RNF111: variants seen among roughly 807,000 people sequenced by gnomAD.
RNF111 encodes E3 ubiquitin-protein ligase Arkadia.
Under a neutral mutation model 95.1 loss-of-function variants are expected in RNF111, and 17 were observed. That is an observed-to-expected ratio of 0.18 (90% CI 0.12 to 0.27). RNF111 has a LOEUF of 0.27. RNF111 is among the 10% of genes least tolerant of loss of function. The pLI is 1.00. For synonymous variants in RNF111, 440 were observed against 414.8 expected (o/e 1.06, Z -0.74); for missense variants, 1,189 against 1,210.4 (o/e 0.98, Z 0.26).
At chr15:59,056,950 G>T (rs1170150002) in intron 4 of RNF111, among the ~76,000 whole-genome samples, 2 of 151,908 alleles carry the variant, frequency 1.3e-5, no homozygotes, top group African/African-American at 2.4e-5. Context: ...CACTTTACTG[G>T]GTTAAAAGTA....
intron 1 of RNF111, among the ~76,000 whole-genome samples, chr15:59,011,374 T>A (rs1281110786): frequency 3.3e-5 from 5 of 152,240 alleles, no homozygotes; most frequent in African/African-American, 1.2e-4. Context: ...GGTCTGTGTC[T>A]TTATTCATTC....
At chr15:59,010,218 GT>G (rs2039733335) in intron 1 of RNF111, among the ~76,000 whole-genome samples, 1 of 151,818 alleles carries the variant, frequency 6.6e-6, no homozygotes, top group Non-Finnish European at 1.5e-5. Flanking sequence ...GATTCTTTTT[GT>G]TTTAATTTAA....
chr15:59,056,648 C>T (rs1375481475), intron 4 of RNF111, among the ~76,000 whole-genome samples: 1 of 152,036 alleles, frequency 6.6e-6, no homozygotes, highest in Non-Finnish European at 1.5e-5. Flanking sequence ...GGGCTATTTG[C>T]AGTTTGGGTG....
chr15:59,061,148 A>C (rs1325370050), intron 5 of RNF111, among the ~76,000 whole-genome samples: 1 of 152,104 alleles, frequency 6.6e-6, no homozygotes, highest in Non-Finnish European at 1.5e-5. Context: ...TCCCAACTTT[A>C]TTTCAGAATA....
intron 1 of RNF111, among the ~76,000 whole-genome samples, chr15:59,021,547 GTAAT>G (rs1444340536): frequency 1.3e-5 from 2 of 152,152 alleles, no homozygotes; most frequent in Non-Finnish European, 2.9e-5. Flanking sequence ...CTTTAGGAAA[GTAAT>G]TAATAATAAC....
intron 5 of RNF111, among the ~76,000 whole-genome samples, chr15:59,066,510 T>C (rs566245737): frequency 2.0e-4 from 30 of 152,142 alleles, no homozygotes; most frequent in Non-Finnish European, 3.4e-4. Flanking sequence ...CTCAGGAGGC[T>C]GAGGGAGGAA....
At chr15:58,990,155 G>T (rs942636985) in intron 1 of RNF111, among the ~76,000 whole-genome samples, 9 of 152,146 alleles carry the variant, frequency 5.9e-5, no homozygotes, top group African/African-American at 2.2e-4. Context: ...CGAGTTTATT[G>T]TTAACCCTCC....
At chr15:59,035,038 T>C (rs971002355) in intron 2 of RNF111, among the ~76,000 whole-genome samples, 15 of 151,942 alleles carry the variant, frequency 9.9e-5, no homozygotes, top group Admixed American at 4.6e-4. Flanking sequence ...TGGCAGAAGG[T>C]GAATGAAGAG....
At chr15:59,070,577 T>C (rs1383517226) in intron 6 of RNF111, among the ~76,000 whole-genome samples, 1 of 152,200 alleles carries the variant, frequency 6.6e-6, no homozygotes, top group Admixed American at 6.5e-5. Context: ...TACATTGTAT[T>C]TGCCAACTCA....
chr15:59,026,859 C>G (rs1271102451), intron 1 of RNF111, among the ~76,000 whole-genome samples: 1 of 152,104 alleles, frequency 6.6e-6, no homozygotes, highest in East Asian at 1.9e-4. Context: ...GATATGTTAA[C>G]TCAGAGAAGA....
chr15:59,008,819 G>T (rs1258544960), intron 1 of RNF111, among the ~76,000 whole-genome samples: 1 of 151,976 alleles, frequency 6.6e-6, no homozygotes, highest in Non-Finnish European at 1.5e-5. Context: ...TTCTTTTAGG[G>T]TTTACACTAT....
In RNF111 at chr15:59,081,098, C is replaced by T. The variant is rs1396205437; in HGVS notation, c.2111C>T (p.Pro704Leu). The stretch of plus-strand genomic sequence containing the variant: ...ATATCTTCTCATGCAACATCTCATC[C>T]TGTGGCACCCCCACCACCAACTCAC... ...SQISSHATSH[P>L]VAPPPPTHLA... Residue 704 changes from proline (P) to leucine (L), a missense_variant, in exon 8 of 14, where the codon CCT becomes CTT. Physicochemically the swap from Pro to Leu is moderately conservative, Grantham distance 98. Transcript: ENST00000348370. The T allele has an allele frequency of 1.9e-6, 3 of 1,614,090 alleles. No homozygotes were observed. Among genetic ancestry groups the T allele is most frequent in the Admixed American group, 3.3e-5 (2 of 60,012 alleles).
chr15:59,064,560 A>T (rs1183551085), intron 5 of RNF111, among the ~76,000 whole-genome samples: 1 of 150,882 alleles, frequency 6.6e-6, no homozygotes, highest in East Asian at 1.9e-4. Flanking sequence ...AAAAGGAAAT[A>T]ATTTGTCGAC....
At chr15:58,992,916 C>T (rs766201608) in intron 1 of RNF111, among the ~76,000 whole-genome samples, 2 of 152,174 alleles carry the variant, frequency 1.3e-5, no homozygotes, top group African/African-American at 4.8e-5. Flanking sequence ...CTGTAGTAAT[C>T]CTAGCACTTT....
At chr15:59,038,526 T>G (rs1375265674) in intron 2 of RNF111, among the ~76,000 whole-genome samples, 1 of 152,208 alleles carries the variant, frequency 6.6e-6, no homozygotes, top group Admixed American at 6.5e-5. Flanking sequence ...TTGGGAACTT[T>G]TAGACTTACA....
chr15:59,025,180 C>T (rs137998261), intron 1 of RNF111, among the ~76,000 whole-genome samples: 10 of 152,332 alleles, frequency 6.6e-5, no homozygotes, highest in Non-Finnish European at 1.2e-4. Flanking sequence ...CCACTGCGCC[C>T]AGGCAGAAAT....
At chr15:59,071,780 G>T (rs142343187) in intron 6 of RNF111, among the ~76,000 whole-genome samples, 1 of 152,074 alleles carries the variant, frequency 6.6e-6, no homozygotes, top group Non-Finnish European at 1.5e-5. Flanking sequence ...CAACTTAGTT[G>T]ATGGGCTTTC....
At position 59,092,521 on chromosome 15, in the gene RNF111, T is replaced by C. The variant is rs1240006175; in HGVS notation, c.2740-16T>C. On this transcript the variant is annotated splice_polypyrimidine_tract_variant and intron_variant, in intron 12 of 13. Coordinates refer to ENST00000348370, the MANE Select transcript of RNF111 (RefSeq NM_017610.8). ...TCATCTCTACTAATAAGGTAACAACTGATTGGTTCTCACAGAGGAAACTGC... is the reference window on the plus strand; with the variant it reads ...TCATCTCTACTAATAAGGTAACAACCGATTGGTTCTCACAGAGGAAACTGC... 1.9e-6 allele frequency: 3 copies of C among 1,609,310 alleles called. No individual in the cohort carries two copies. Among genetic ancestry groups the C allele is most frequent in the Non-Finnish European group, 2.5e-6 (3 of 1,177,530 alleles).
intron 1 of RNF111, among the ~76,000 whole-genome samples, chr15:59,029,159 A>T (rs1164150214): frequency 6.6e-6 from 1 of 151,964 alleles, no homozygotes; most frequent in East Asian, 1.9e-4. Flanking sequence ...GCAATATATG[A>T]GGGTTCCAAT....
Sources: gnomAD v4.1 joint callset for allele counts (sites outside exome capture counted in the v4.1 genomes callset) on GRCh38, gnomAD v4.1.1 for gene constraint, MANE v1.5 for transcripts, NCBI Gene and HGNC (gene_info 2026-07-23, HGNC 2026-07-21) for gene names.